The following RIMS2 variants were observed in gnomAD, a reference collection of about 807,000 sequenced individuals.
RIMS2 encodes the protein regulating synaptic membrane exocytosis 2, also known as regulating synaptic membrane exocytosis protein 2.
A neutral mutation model predicts 174.4 loss-of-function variants in RIMS2; 59 were observed. The observed-to-expected ratio is 0.34, with a 90% CI of 0.27 to 0.42. RIMS2 has a LOEUF of 0.42. Ranked by LOEUF, RIMS2 falls within the 10% of genes least tolerant of loss-of-function variation. The pLI, the probability that RIMS2 is intolerant of heterozygous loss-of-function variation, is 1.00. For missense variants in RIMS2, 1,620 were observed against 1,666.3 expected, an observed-to-expected ratio of 0.97 and a Z score of 0.48; for synonymous variants, 606 against 572.5, an observed-to-expected ratio of 1.06 and a Z score of -0.84.
chr8:103,532,900 G>A (rs143952994), intron 1 of RIMS2, among the ~76,000 whole-genome samples: 14 of 152,282 alleles, frequency 9.2e-5, no homozygotes, highest in Admixed American at 3.3e-4. Flanking sequence ...GACTTCAAAT[G>A]TGACTTTAAA....
chr8:103,523,055 T>G lies in RIMS2; in HGVS notation c.176+21993T>G, dbSNP rs1232484152. ...TTGAATGTAAACTGGAATTAATCAT[T>G]TTGCTGTGGCCAGGAATGATGATGG... On this transcript the variant is annotated intron_variant, in intron 1 of 23. Coordinates refer to ENST00000504942, the Ensembl canonical transcript of RIMS2. 2.0e-5 allele frequency among the ~76,000 whole-genome samples: 3 copies of G among 152,154 alleles called. No individual in the cohort carries two copies. The East Asian group carries it at 5.8e-4, about 29-fold the overall frequency.
chr8:103,869,619 G>A (rs1033080854), intron 3 of RIMS2, among the ~76,000 whole-genome samples: 47 of 152,158 alleles, frequency 3.1e-4, no homozygotes, highest in African/African-American at 1.1e-3. Flanking sequence ...CACCATGCCC[G>A]ATGAGGAACA....
At chr8:103,723,261 A>G (rs567278432) in intron 2 of RIMS2, among the ~76,000 whole-genome samples, 1 of 152,196 alleles carries the variant, frequency 6.6e-6, no homozygotes, top group East Asian at 1.9e-4. Flanking sequence ...TGATGATGTC[A>G]TGTTTCTCTG....
chr8:103,947,363 C>A (rs1348949934), intron 14 of RIMS2, among the ~76,000 whole-genome samples: 1 of 152,148 alleles, frequency 6.6e-6, no homozygotes, highest in Non-Finnish European at 1.5e-5. Context: ...AGGTTACTTT[C>A]TGAGAAATGT....
chr8:103,573,447 G>A (rs1234456968), intron 1 of RIMS2, among the ~76,000 whole-genome samples: 1 of 152,100 alleles, frequency 6.6e-6, no homozygotes, highest in Non-Finnish European at 1.5e-5. Flanking sequence ...TTGCTAGCCA[G>A]TTTGTTTATT....
intron 1 of RIMS2, among the ~76,000 whole-genome samples, chr8:103,524,649 C>T (rs1250091047): frequency 6.6e-6 from 1 of 152,174 alleles, no homozygotes; most frequent in Non-Finnish European, 1.5e-5. Flanking sequence ...CTTGAAGCTG[C>T]TGCTGCTGCT....
At chr8:103,814,398 A>T (rs1199115403) in intron 3 of RIMS2, among the ~76,000 whole-genome samples, 1 of 152,080 alleles carries the variant, frequency 6.6e-6, no homozygotes, top group Non-Finnish European at 1.5e-5. Flanking sequence ...TGTACCCCTA[A>T]ACTTAAAATA....
At chr8:103,787,742 T>C (rs1469393093) in intron 3 of RIMS2, among the ~76,000 whole-genome samples, 2 of 151,948 alleles carry the variant, frequency 1.3e-5, no homozygotes, top group Non-Finnish European at 2.9e-5. Context: ...ATCTGACAAT[T>C]ATGTTCTTGG....
At chr8:103,587,468 G>GAAAGAAAGAAAGAAAGAAAGAAAGAAA (rs35539559) in intron 1 of RIMS2, among the ~76,000 whole-genome samples, 45 of 96,344 alleles carry the variant, frequency 4.7e-4, no homozygotes, top group Non-Finnish European at 8.6e-4. Context: ...AAGAAAGAAA[G>GAAAGAAAGAAAGAAAGAAAGAAAGAAA]AAACTATGCA....
intron 2 of RIMS2, among the ~76,000 whole-genome samples, chr8:103,705,958 G>T (rs994056757): frequency 6.6e-6 from 1 of 151,180 alleles, no homozygotes; most frequent in Non-Finnish European, 1.5e-5. Flanking sequence ...TCGTTTTCTA[G>T]TTGCTTTGTA....
rs2098379231 is a variant in RIMS2 at position 103,780,713 on chromosome 8, T to C, written c.698+14176T>C. Among the ~76,000 whole-genome samples, 6 of 152,254 alleles carry C rather than the reference T, an allele frequency of 3.9e-5. No homozygotes were observed. In the South Asian group the frequency reaches 1.2e-3, roughly 32 times the overall value. ...TTTTTTATGTGAGAGAGCTCACATA[T>C]CACTCTCTCAGTGGCATCAGTAGCT... On this transcript the variant is annotated intron_variant, in intron 3 of 23. Transcript: ENST00000504942.
intron 19 of RIMS2, among the ~76,000 whole-genome samples, chr8:104,119,670 G>A (rs1442903532): frequency 3.3e-5 from 5 of 152,100 alleles, no homozygotes; most frequent in African/African-American, 1.2e-4. Context: ...TACAAATAAA[G>A]CCTGTCTTCT....
chr8:103,654,136 G>A (rs9297338), intron 1 of RIMS2, among the ~76,000 whole-genome samples: 26,869 of 151,834 alleles, frequency 0.18, 2,584 homozygotes, highest in African/African-American at 0.24. Context: ...ATAATTAGAT[G>A]TAATTTTGTC....
intron 19 of RIMS2, among the ~76,000 whole-genome samples, chr8:104,186,324 AC>A (rs1317787611): frequency 6.6e-6 from 1 of 151,774 alleles, no homozygotes; most frequent in Non-Finnish European, 1.5e-5. Context: ...TGACTTCACT[AC>A]TATACAACCT....
At chr8:103,617,402 A>G (rs1441277509) in intron 1 of RIMS2, among the ~76,000 whole-genome samples, 2 of 152,202 alleles carry the variant, frequency 1.3e-5, no homozygotes, top group Non-Finnish European at 2.9e-5. Context: ...CAAAACTATA[A>G]AAACCCTGGA....
chr8:103,928,317 G>A (rs933472117), intron 11 of RIMS2, among the ~76,000 whole-genome samples: 2 of 151,384 alleles, frequency 1.3e-5, no homozygotes, highest in African/African-American at 4.8e-5. Context: ...ATAACTCCTT[G>A]AGGAGATTGG....
intron 19 of RIMS2, among the ~76,000 whole-genome samples, chr8:104,116,006 G>A (rs1380643431): frequency 1.3e-5 from 2 of 152,140 alleles, no homozygotes; most frequent in Non-Finnish European, 2.9e-5. Flanking sequence ...GATCCTCAAT[G>A]ACAAAAATTG....
At chr8:103,922,686 CA>C (rs139921166) in intron 10 of RIMS2, 4,877 of 346,614 alleles carry the variant, frequency 0.014, 102 homozygotes, top group East Asian at 0.051. Flanking sequence ...ATTTTAAGCC[CA>C]AAAAAGATAG....
chr8:104,035,124 G>T (rs1393625194), intron 19 of RIMS2, among the ~76,000 whole-genome samples: 1 of 151,996 alleles, frequency 6.6e-6, no homozygotes, highest in Non-Finnish European at 1.5e-5. Flanking sequence ...ATGATTATGA[G>T]CTTTGATTTG....
Sources: allele counts gnomAD v4.1 joint callset (sites outside exome capture counted in the v4.1 genomes callset), GRCh38; gene constraint gnomAD v4.1.1; transcripts MANE v1.5; gene names NCBI Gene and HGNC (gene_info 2026-07-23, HGNC 2026-07-21).